Variants in CANT1 observed in about 807,000 individuals in gnomAD.
The protein encoded by CANT1 is soluble calcium-activated nucleotidase 1.
In CANT1, 26 loss-of-function variants were observed where a neutral mutation model predicts 30.0. The observed-to-expected ratio is 0.87, with a 90% confidence interval of 0.64 to 1.20. The LOEUF is 1.20. CANT1 is among the 50% of genes most tolerant of loss of function. The pLI, the probability that CANT1 is intolerant of heterozygous loss-of-function variation, is 0.00. For synonymous variants in CANT1, 246 were observed against 251.8 expected (o/e 0.98, Z 0.22); for missense variants, 518 against 563.0 (o/e 0.92, Z 0.81).
At chr17:79,000,119 C>T (rs966296679) in intron 1 of CANT1, 1 of 152,338 alleles carries the variant, frequency 6.6e-6, no homozygotes, top group Non-Finnish European at 1.5e-5. Context: ...TGACATGCGT[C>T]TTAGACATTT....
At position 78,992,500 on chromosome 17, in the gene CANT1, G is replaced by A. The variant is rs1461824358; in HGVS notation, c.*1050C>T. 5.3e-6 allele frequency: 2 copies of A among 374,638 alleles called. No homozygotes were observed. The highest frequency in any genetic ancestry group is 1.0e-5 in the Non-Finnish European group (2 of 194,044). 23.2% of individuals were successfully genotyped at this position (374,638 alleles called of 1,614,324 possible). A position where few individuals can be genotyped will look rare whatever the true frequency, so the allele number is the denominator to read the frequency against. On this transcript the variant is annotated 3_prime_UTR_variant, in exon 5 of 5. Transcript: ENST00000392446. Reference sequence around the variant, plus strand: ...ACGCTCGTGAAGTTTCCACAGAGAAGAGCCTGCAAAACTCCCACTGGAAGA... The same window carrying A: ...ACGCTCGTGAAGTTTCCACAGAGAAAAGCCTGCAAAACTCCCACTGGAAGA...
In CANT1 at chr17:78,993,929, C is replaced by T. The variant is rs538543007; in HGVS notation, c.836-9G>A. On this transcript the variant is annotated splice_polypyrimidine_tract_variant and intron_variant, in intron 4 of 4. Transcript: ENST00000392446. This position sits in a 1 kb window ranked among gnomAD's most constrained non-coding sequence, Gnocchi z 4.5. ...CTCATGGATGAGGTAGCCTGGGAAC[C>T]GGGTGACCGCGGGTCAGACACGCAT... 5.1e-6 allele frequency: 8 copies of T among 1,562,466 alleles called. No homozygotes were observed. In the East Asian group the frequency reaches 9.4e-5, roughly 18 times the overall value.
At chr17:79,009,150 G>C (rs757349552) in intron 1 of CANT1, among the ~76,000 whole-genome samples, 2 of 151,438 alleles carry the variant, frequency 1.3e-5, no homozygotes, top group Non-Finnish European at 3.0e-5. Flanking sequence ...CAGAGGGGGA[G>C]GTGCCCCACA....
rs185742111 is a variant in CANT1, at chr17:78,995,466, G to A, written c.632-245C>T. 2.4e-3 allele frequency among the ~76,000 whole-genome samples: 369 copies of A among 152,268 alleles called. 2 individuals are homozygous for A. The highest frequency in any genetic ancestry group is 0.017 in the Admixed American group (254 of 15,304). The stretch of plus-strand genomic sequence containing the variant: ...TGATCCCCAACTCCCCGCTCCTCAA[G>A]CTGTAACCCCAACCTTAGGATTATC... On this transcript the variant is annotated intron_variant, in intron 3 of 4. Coordinates refer to ENST00000392446, the MANE Select transcript of CANT1 (RefSeq NM_001159773.2). This position sits in a 1 kb window ranked among gnomAD's most constrained non-coding sequence, Gnocchi z 5.7.
rs907056914 is a variant in CANT1, at chr17:79,008,832, C to T, written c.-147+832G>A. 6.6e-5 allele frequency among the ~76,000 whole-genome samples: 10 copies of T among 151,868 alleles called. No individual in the cohort carries two copies. The highest frequency in any genetic ancestry group is 1.9e-4 in the African/African-American group (8 of 41,304). On this transcript the variant is annotated intron_variant, in intron 1 of 4. Transcript: ENST00000392446. This position sits in a 1 kb window ranked among gnomAD's most constrained non-coding sequence, Gnocchi z 4.4. ...TGTGAGACAGGTATGGTGGGGAGGG[C>T]GAATCATTTGCATGCAGGAAGATGA... is the stretch of plus-strand genomic sequence containing the variant.
rs149131650 is a variant in CANT1 at position 78,993,105 on chromosome 17, C to T, written c.*445G>A. The T allele has an allele frequency of 3.8e-4, 131 of 347,646 alleles. No individual in the cohort carries two copies. The East Asian group carries it at 6.1e-3, about 16-fold the overall frequency. 21.5% of individuals were successfully genotyped at this position (347,646 alleles called of 1,614,324 possible). A position where few individuals can be genotyped will look rare whatever the true frequency, so the allele number is the denominator to read the frequency against. ...ATCTGCAGGGGTGGACATGATGCTCCAGGCACAGAGTAGGAAGAAAAGGGG... is the reference window on the plus strand; with the variant it reads ...ATCTGCAGGGGTGGACATGATGCTCTAGGCACAGAGTAGGAAGAAAAGGGG... On this transcript the variant is annotated 3_prime_UTR_variant, in exon 5 of 5. Coordinates refer to ENST00000392446, the MANE Select transcript of CANT1 (RefSeq NM_001159773.2). This position sits in a 1 kb window ranked among gnomAD's most constrained non-coding sequence, Gnocchi z 4.5.
intron 1 of CANT1, chr17:79,007,953 A>T (rs2071609609): frequency 6.6e-6 from 1 of 152,156 alleles, no homozygotes; most frequent in South Asian, 2.1e-4. Flanking sequence ...GTGACATGTC[A>T]TTCTCTTTTG....
rs1006885415 is a variant in CANT1, at chr17:78,997,704, G to T, written c.-22-60C>A. 4.2e-5 allele frequency: 60 copies of T among 1,434,030 alleles called. 1 individual carries two copies. The South Asian group carries it at 5.6e-4, about 13-fold the overall frequency. The allele number at this position is 1,434,030 out of a possible 1,614,324, so 88.8% of individuals were successfully genotyped here. The stretch of plus-strand genomic sequence containing the variant: ...CCTCCGCAAGCCCAGTCACATCTTA[G>T]TTCCGGAAGCTGCAGGCGCTGGAGG... On this transcript the variant is annotated intron_variant, in intron 2 of 4. Transcript: ENST00000392446. This position sits in a 1 kb window ranked among gnomAD's most constrained non-coding sequence, Gnocchi z 7.5.
Position 78,997,049 on chromosome 17 carries a change from C to T in CANT1, c.574G>A (p.Gly192Ser), listed in dbSNP as rs1406059649. 3.1e-6 allele frequency: 5 copies of T among 1,614,114 alleles called. No homozygotes were observed. The highest frequency in any genetic ancestry group is 3.4e-6 in the Non-Finnish European group (4 of 1,180,056). Reference protein sequence around the residue: ...DRTGVVYQIEGSKAVPWVILS... With the variant: ...DRTGVVYQIESSKAVPWVILS... ...ATCACCCAGGGCACGGCTTTGCTGC[C>T]TTCGATCTGGTAGACGACCCCCGTC... The change falls in exon 3 of 5, where the codon GGC (glycine) becomes AGC (serine). Residue 192 changes from glycine to serine, a missense_variant. By Grantham distance (56) the Gly-to-Ser change is moderately conservative. Coordinates refer to ENST00000392446, the MANE Select transcript of CANT1 (RefSeq NM_001159773.2). The surrounding 1 kb of genome is among the most constrained non-coding windows in gnomAD (Gnocchi z 7.5).
rs748796739 is a variant in CANT1, at chr17:78,992,726, C to T, written c.*824G>A. ...ACGCCGACATGTGAGACTTGCTTCA[C>T]CAGCCGCCACCGCTTCCTTACAATC... On this transcript the variant is annotated 3_prime_UTR_variant, in exon 5 of 5. Transcript: ENST00000392446. 8 of 596,644 alleles carry T rather than the reference C, an allele frequency of 1.3e-5. No homozygotes were observed. The highest frequency in any genetic ancestry group is 8.3e-5 in the South Asian group (6 of 71,898). 37.0% of individuals were successfully genotyped at this position (596,644 alleles called of 1,614,324 possible).
At chr17:79,003,395 C>T (rs988159584) in intron 1 of CANT1, among the ~76,000 whole-genome samples, 7 of 143,644 alleles carry the variant, frequency 4.9e-5, no homozygotes, top group South Asian at 2.1e-4. Flanking sequence ...TGGCTGCCGG[C>T]GCCTGCTGCA....
At position 78,996,263 on chromosome 17, in the gene CANT1, G is replaced by A. The variant is rs532674810; in HGVS notation, c.631+729C>T. On this transcript the variant is annotated intron_variant, in intron 3 of 4. Coordinates refer to ENST00000392446, the MANE Select transcript of CANT1 (RefSeq NM_001159773.2). The surrounding 1 kb of genome is among the most constrained non-coding windows in gnomAD (Gnocchi z 5.1). ...TCCTTGACCTCAGAAAGCCTGCGGT[G>A]GCATTTAGCTTTCTAGAAGGTGGGG... 9.3e-4 allele frequency among the ~76,000 whole-genome samples: 142 copies of A among 152,280 alleles called. No individual in the cohort carries two copies. Among genetic ancestry groups the A allele is most frequent in the African/African-American group, 3.2e-3 (134 of 41,572 alleles).
Position 78,993,983 on chromosome 17 carries a change from T to G in CANT1, c.836-63A>C. ...GCCTGGTGTGCCCAGCCCCACACCATCAGGCCGTGCGCAGTAGCAGGCAAG... is the reference window on the plus strand; with the variant it reads ...GCCTGGTGTGCCCAGCCCCACACCAGCAGGCCGTGCGCAGTAGCAGGCAAG... On this transcript the variant is annotated intron_variant, in intron 4 of 4. Transcript: ENST00000392446. The surrounding 1 kb of genome is among the most constrained non-coding windows in gnomAD (Gnocchi z 4.5). 6.6e-7 allele frequency: 1 copy of G among 1,516,672 alleles called. No homozygotes were observed. Among genetic ancestry groups the G allele is most frequent in the East Asian group, 2.5e-5 (1 of 40,610 alleles). 94.0% of individuals were successfully genotyped at this position (1,516,672 alleles called of 1,614,324 possible). A position where few individuals can be genotyped will look rare whatever the true frequency, so the allele number is the denominator to read the frequency against.
chr17:78,993,476 A>G lies in CANT1; in HGVS notation c.*74T>C. The G allele has an allele frequency of 6.2e-7, 1 of 1,608,176 alleles. No homozygotes were observed. Among genetic ancestry groups the G allele is most frequent in the South Asian group, 1.1e-5 (1 of 90,240 alleles). On this transcript the variant is annotated 3_prime_UTR_variant, in exon 5 of 5. Coordinates refer to ENST00000392446, the MANE Select transcript of CANT1 (RefSeq NM_001159773.2). This position sits in a 1 kb window ranked among gnomAD's most constrained non-coding sequence, Gnocchi z 4.5. ...GGCACAGTTCCAAAAAGAACAAAAC[A>G]AAACAAAAGTGCACTCCTCTTGTTT...
In CANT1 at chr17:78,993,925, G is replaced by A. The variant is rs757098616; in HGVS notation, c.836-5C>T. ...CAGACTCATGGATGAGGTAGCCTGG[G>A]AACCGGGTGACCGCGGGTCAGACAC... On this transcript the variant is annotated splice_polypyrimidine_tract_variant and splice_region_variant and intron_variant, in intron 4 of 4. Transcript: ENST00000392446. This position sits in a 1 kb window ranked among gnomAD's most constrained non-coding sequence, Gnocchi z 4.5. The A allele has an allele frequency of 5.1e-6, 8 of 1,572,054 alleles. 1 individual carries two copies. In the South Asian group the frequency reaches 6.9e-5, roughly 13 times the overall value.
chr17:78,992,518 C>A lies in CANT1; in HGVS notation c.*1032G>T, dbSNP rs139951975. 1.9e-4 allele frequency: 69 copies of A among 366,058 alleles called. No individual in the cohort carries two copies. In the East Asian group the frequency reaches 3.1e-3, roughly 17 times the overall value. The allele number at this position is 366,058 out of a possible 1,614,324, so 22.7% of individuals were successfully genotyped here. A position where few individuals can be genotyped will look rare whatever the true frequency, so the allele number is the denominator to read the frequency against. On this transcript the variant is annotated 3_prime_UTR_variant, in exon 5 of 5. Transcript: ENST00000392446. ...CAGAGAAGAGCCTGCAAAACTCCCACTGGAAGAGGAGAAATAAAGGCCATG... is the reference window on the plus strand; with the variant it reads ...CAGAGAAGAGCCTGCAAAACTCCCAATGGAAGAGGAGAAATAAAGGCCATG...
rs545095727 is a variant in CANT1, at chr17:79,009,738, G to A, written c.-221C>T. 6.6e-6 allele frequency: 1 copy of A among 151,700 alleles called. No homozygotes were observed. Among genetic ancestry groups the A allele is most frequent in the East Asian group, 1.9e-4 (1 of 5,162 alleles). 9.4% of individuals were successfully genotyped at this position (151,700 alleles called of 1,614,324 possible). ...CTTGGCTGGGCTTGGCTGGGCTAAC[G>A]GCCGGGACGGAGGAAGGTGGCCGAC... On this transcript the variant is annotated 5_prime_UTR_variant, in exon 1 of 5. Coordinates refer to ENST00000392446, the MANE Select transcript of CANT1 (RefSeq NM_001159773.2).
rs1038129443 is a variant in CANT1, at chr17:78,995,383, C to T, written c.632-162G>A. The T allele has an allele frequency of 2.8e-5, 20 of 720,526 alleles. No individual in the cohort carries two copies. The highest frequency in any genetic ancestry group is 1.1e-4 in the Admixed American group (5 of 44,134). 44.6% of individuals were successfully genotyped at this position (720,526 alleles called of 1,614,324 possible). A position where few individuals can be genotyped will look rare whatever the true frequency, so the allele number is the denominator to read the frequency against. On this transcript the variant is annotated intron_variant, in intron 3 of 4. Transcript: ENST00000392446. The surrounding 1 kb of genome is among the most constrained non-coding windows in gnomAD (Gnocchi z 5.7). The stretch of plus-strand genomic sequence containing the variant: ...CCCGCACCTGGCTCCCGCCCAGGGC[C>T]GGCCGGCTGCCCTCCCCTCAGCTCC...
In CANT1 at chr17:78,992,739, C is replaced by G. The variant is rs748699382; in HGVS notation, c.*811G>C. The stretch of plus-strand genomic sequence containing the variant: ...AGACTTGCTTCACCAGCCGCCACCG[C>G]TTCCTTACAATCTCCCGCACTGCTG... On this transcript the variant is annotated 3_prime_UTR_variant, in exon 5 of 5. Coordinates refer to ENST00000392446, the MANE Select transcript of CANT1 (RefSeq NM_001159773.2). The G allele has an allele frequency of 1.7e-6, 1 of 596,310 alleles. No individual in the cohort carries two copies. The highest frequency in any genetic ancestry group is 1.8e-5 in the African/African-American group (1 of 55,702). 36.9% of individuals were successfully genotyped at this position (596,310 alleles called of 1,614,324 possible). A position where few individuals can be genotyped will look rare whatever the true frequency, so the allele number is the denominator to read the frequency against.
Sources: allele counts gnomAD v4.1 joint callset (sites outside exome capture counted in the v4.1 genomes callset), GRCh38; gene constraint gnomAD v4.1.1; non-coding constraint Gnocchi (gnomAD v3.1); transcripts MANE v1.5; gene names NCBI Gene and HGNC (gene_info 2026-07-23, HGNC 2026-07-21).